MED27: variants seen among roughly 807,000 people sequenced by gnomAD.
MED27 encodes mediator of RNA polymerase II transcription subunit 27.
A neutral mutation model predicts 38.2 loss-of-function variants in MED27; 30 were observed. That is an observed-to-expected ratio of 0.79 (90% CI 0.59 to 1.07). The LOEUF is 1.07. MED27 is among the 50% of genes least tolerant of loss of function. The pLI, the probability that MED27 is intolerant of heterozygous loss-of-function variation, is 0.00. For synonymous variants in MED27, 122 were observed against 153.5 expected, an observed-to-expected ratio of 0.79 and a Z score of 1.52; for missense variants, 289 against 397.5, an observed-to-expected ratio of 0.73 and a Z score of 2.32.
chr9:131,988,030 G>C (rs543311612), intron 3 of MED27, among the ~76,000 whole-genome samples: 1 of 152,280 alleles, frequency 6.6e-6, no homozygotes, highest in African/African-American at 2.4e-5. Flanking sequence ...CGATTTTTAG[G>C]TTTACAGTTT....
At chr9:132,014,194 G>T in intron 3 of MED27, 143 bp downstream of exon 3, 1 of 897,164 alleles carries the variant, frequency 1.1e-6, no homozygotes, top group South Asian at 1.8e-5. Context: ...TCCAGCCAGG[G>T]TGAAAAAGTA....
intron 2 of MED27, among the ~76,000 whole-genome samples, chr9:132,069,935 A>C (rs1329543713): frequency 1.3e-5 from 2 of 152,206 alleles, no homozygotes; most frequent in Admixed American, 1.3e-4. Context: ...CACCGTTCAT[A>C]TTAAAATGAG....
intron 2 of MED27, among the ~76,000 whole-genome samples, chr9:132,040,957 C>T (rs1300092060): frequency 6.6e-6 from 1 of 152,234 alleles, no homozygotes; most frequent in Non-Finnish European, 1.5e-5. Context: ...CCCAGAGCCA[C>T]TGCCATCTCA....
At chr9:132,069,782 T>C (rs1177447495) in intron 2 of MED27, among the ~76,000 whole-genome samples, 1 of 152,166 alleles carries the variant, frequency 6.6e-6, no homozygotes, top group Admixed American at 6.5e-5. Context: ...CCCTTCATCC[T>C]ACCGATGAGG....
chr9:131,935,852 A>T (rs1830672635), intron 4 of MED27, among the ~76,000 whole-genome samples: 1 of 152,152 alleles, frequency 6.6e-6, no homozygotes, highest in Non-Finnish European at 1.5e-5. Flanking sequence ...TAATTTAAAA[A>T]TTTTAAGAAA....
chr9:131,875,892 G>C (rs903612679), intron 6 of MED27, among the ~76,000 whole-genome samples: 3 of 152,238 alleles, frequency 2.0e-5, no homozygotes, highest in African/African-American at 7.2e-5. Context: ...TTACAGGCAT[G>C]ACCCACGCGC....
At chr9:131,990,711 T>G (rs184004513) in intron 3 of MED27, among the ~76,000 whole-genome samples, 1 of 152,208 alleles carries the variant, frequency 6.6e-6, no homozygotes, top group Non-Finnish European at 1.5e-5. Context: ...AAACCAGTCT[T>G]GTCCCAGGAA....
chr9:131,877,386 T>C (rs2131471524), intron 6 of MED27, among the ~76,000 whole-genome samples: 1 of 152,100 alleles, frequency 6.6e-6, no homozygotes, highest in African/African-American at 2.4e-5. Flanking sequence ...GCCAACATGG[T>C]GAAAATCTGT....
chr9:132,040,378 T>C (rs905677355), intron 2 of MED27, among the ~76,000 whole-genome samples: 7 of 152,278 alleles, frequency 4.6e-5, no homozygotes, highest in Middle Eastern at 3.4e-3. Context: ...AGAGCAGCCA[T>C]TTATACACAG....
chr9:132,030,774 G>T (rs1240867497), intron 2 of MED27, among the ~76,000 whole-genome samples: 1 of 152,178 alleles, frequency 6.6e-6, no homozygotes, highest in Non-Finnish European at 1.5e-5. Flanking sequence ...TGTTGAACAC[G>T]GCAGAATGAA....
rs534436992 is a variant in MED27, at chr9:131,860,949, C to G, written c.802-277G>C. 6.6e-6 allele frequency among the ~76,000 whole-genome samples: 1 copy of G among 152,128 alleles called. No homozygotes were observed. Among genetic ancestry groups the G allele is most frequent in the Non-Finnish European group, 1.5e-5 (1 of 68,028 alleles). The stretch of plus-strand genomic sequence containing the variant: ...AGGCCTCCCTGGAGTCCCCGTGAAC[C>G]ACCGAGCAGCCTGGTGGTCTGGGGG... On this transcript the variant is annotated intron_variant, in intron 7 of 7. Transcript: ENST00000292035. The surrounding 1 kb of genome is among the most constrained non-coding windows in gnomAD (Gnocchi z 5.8).
At chr9:131,990,522 A>C (rs1831948055) in intron 3 of MED27, among the ~76,000 whole-genome samples, 1 of 152,226 alleles carries the variant, frequency 6.6e-6, no homozygotes, top group South Asian at 2.1e-4. Flanking sequence ...CAGAACACTC[A>C]TTCTGCAGTC....
At chr9:132,010,903 G>A (rs1832473291) in intron 3 of MED27, among the ~76,000 whole-genome samples, 1 of 152,004 alleles carries the variant, frequency 6.6e-6, no homozygotes, top group South Asian at 2.1e-4. Context: ...AAGGGGGGAG[G>A]GATAGCATTA....
chr9:132,051,250 C>T lies in MED27; in HGVS notation c.348+26192G>A, dbSNP rs1833458813. On this transcript the variant is annotated intron_variant, in intron 2 of 7. Coordinates refer to ENST00000292035, the MANE Select transcript of MED27 (RefSeq NM_004269.4). The surrounding 1 kb of genome is among the most constrained non-coding windows in gnomAD (Gnocchi z 4.2). ...TATCCCTAATAACATTTCGGCCACT[C>T]ATTTGCATTCCAGTAAGCTTTCCTG... 6.6e-6 allele frequency among the ~76,000 whole-genome samples: 1 copy of T among 152,196 alleles called. No homozygotes were observed. Among genetic ancestry groups the T allele is most frequent in the East Asian group, 1.9e-4 (1 of 5,200 alleles).
chr9:132,079,567 G>A, intron 1 of MED27, 75 bp downstream of exon 1: 7 of 1,391,396 alleles, frequency 5.0e-6, no homozygotes, highest in Non-Finnish European at 7.1e-6. Flanking sequence ...CCCTGCCTGG[G>A]AAGACTCGAG....
chr9:132,056,041 G>A (rs993447579), intron 2 of MED27, among the ~76,000 whole-genome samples: 1 of 152,182 alleles, frequency 6.6e-6, no homozygotes, highest in African/African-American at 2.4e-5. Context: ...ATCAGACAGG[G>A]CCTGTGTGCT....
intron 4 of MED27, among the ~76,000 whole-genome samples, chr9:131,927,279 T>C (rs2131560217): frequency 6.6e-6 from 1 of 152,330 alleles, no homozygotes; most frequent in Admixed American, 6.5e-5. Context: ...AGATTTGACA[T>C]TAGCTAGGGC....
At chr9:132,066,120 C>T (rs1329106103) in intron 2 of MED27, among the ~76,000 whole-genome samples, 1 of 152,204 alleles carries the variant, frequency 6.6e-6, no homozygotes, top group African/African-American at 2.4e-5. Context: ...GACTCCAGTC[C>T]CCACCCTGGA....
At chr9:131,869,536 T>C (rs1838794047) in intron 6 of MED27, among the ~76,000 whole-genome samples, 1 of 152,222 alleles carries the variant, frequency 6.6e-6, no homozygotes, top group South Asian at 2.1e-4. Flanking sequence ...GGAAGGGCAC[T>C]AATGCTCCCA....
Sources: allele counts gnomAD v4.1 joint callset (sites outside exome capture counted in the v4.1 genomes callset), GRCh38; gene constraint gnomAD v4.1.1; non-coding constraint Gnocchi (gnomAD v3.1); transcripts MANE v1.5; gene names NCBI Gene and HGNC (gene_info 2026-07-23, HGNC 2026-07-21).